Variants in JAG2 observed in about 807,000 individuals in gnomAD.
JAG2 encodes the protein protein jagged-2.
In JAG2, 46 loss-of-function variants were observed where a neutral mutation model predicts 141.7. That is an observed-to-expected ratio of 0.32 (90% CI 0.26 to 0.42). JAG2 has a LOEUF of 0.42. JAG2 is among the 10% of genes least tolerant of loss of function. The probability of loss-of-function intolerance (pLI) is 1.00; values close to 1 mark genes in which losing one functional copy is unlikely to be tolerated. For missense variants in JAG2, 1,500 were observed against 1,817.5 expected, an observed-to-expected ratio of 0.83 and a Z score of 3.18; for synonymous variants, 862 against 763.5, an observed-to-expected ratio of 1.13 and a Z score of -2.13.
At position 105,146,949 on chromosome 14, in the gene JAG2, T is replaced by G. The variant is rs909503496; in HGVS notation, c.2480-225A>C. ...CCTCCGTCTGCTTCTGCAGTGGGCC[T>G]GTCCCATCCTGGATTAGCCCCAGCT... is the stretch of plus-strand genomic sequence containing the variant. On this transcript the variant is annotated intron_variant, in intron 20 of 25. Coordinates refer to ENST00000331782, the MANE Select transcript of JAG2 (RefSeq NM_002226.5). The G allele has an allele frequency of 4.4e-5, 28 of 639,062 alleles. No homozygotes were observed. In the Admixed American group the frequency reaches 5.1e-4, roughly 12 times the overall value. 39.6% of individuals were successfully genotyped at this position (639,062 alleles called of 1,614,324 possible).
At position 105,143,408 on chromosome 14, in the gene JAG2, G is replaced by C. The variant is rs587698500; in HGVS notation, c.3241+74C>G. The C allele has an allele frequency of 2.9e-5, 44 of 1,500,630 alleles. No individual in the cohort carries two copies. The African/African-American group carries it at 5.4e-4, about 18-fold the overall frequency. The allele number at this position is 1,500,630 out of a possible 1,614,324, so 93.0% of individuals were successfully genotyped here. A position where few individuals can be genotyped will look rare whatever the true frequency, so the allele number is the denominator to read the frequency against. On this transcript the variant is annotated intron_variant, in intron 25 of 25. Coordinates refer to ENST00000331782, the MANE Select transcript of JAG2 (RefSeq NM_002226.5). ...TCCTGGTGGCTGGCAGGATCGGCAG[G>C]ATCGGCCGGCTCTGTGCCCAATGCC...
intron 2 of JAG2, among the ~76,000 whole-genome samples, chr14:105,160,807 G>A (rs1042994554): frequency 2.7e-5 from 4 of 150,886 alleles, no homozygotes; most frequent in Non-Finnish European, 4.4e-5. Context: ...AGGTTGCAGC[G>A]AGCCGAGATC....
chr14:105,153,677 C>T (rs1888502996), intron 5 of JAG2, among the ~76,000 whole-genome samples: 1 of 152,208 alleles, frequency 6.6e-6, no homozygotes, highest in African/African-American at 2.4e-5. Context: ...GCCTCCCCGA[C>T]AGGGCCAGCA....
intron 2 of JAG2, among the ~76,000 whole-genome samples, chr14:105,165,632 C>T (rs2140996995): frequency 6.6e-6 from 1 of 152,314 alleles, no homozygotes; most frequent in Non-Finnish European, 1.5e-5. Context: ...GGCCACCCAG[C>T]CAGGCCTGGG....
Position 105,167,693 on chromosome 14 carries a change from C to A in JAG2, c.417+64G>T, listed in dbSNP as rs1461682083. 1.5e-6 allele frequency: 2 copies of A among 1,329,842 alleles called. No individual in the cohort carries two copies. Among genetic ancestry groups the A allele is most frequent in the East Asian group, 3.3e-5 (1 of 29,900 alleles). The allele number at this position is 1,329,842 out of a possible 1,614,324, so 82.4% of individuals were successfully genotyped here. The stretch of plus-strand genomic sequence containing the variant: ...GCCGCAGGTGTTGGGGGTCGCGAAG[C>A]GCGCGGGGCCGGGGCGCGGAGAGAG... On this transcript the variant is annotated intron_variant, in intron 2 of 25. Coordinates refer to ENST00000331782, the MANE Select transcript of JAG2 (RefSeq NM_002226.5). The surrounding 1 kb of genome is among the most constrained non-coding windows in gnomAD (Gnocchi z 4.8).
rs943640252 is a variant in JAG2 at position 105,154,487 on chromosome 14, A to G, written c.788+1075T>C. 6.6e-6 allele frequency among the ~76,000 whole-genome samples: 1 copy of G among 152,096 alleles called. No individual in the cohort carries two copies. Among genetic ancestry groups the G allele is most frequent in the Non-Finnish European group, 1.5e-5 (1 of 67,980 alleles). ...GACTTCTCTGCTCCACTCTAGGGCAAAGCTGCCAGCCCCCCTGGCTGGATC... is the reference window on the plus strand; with the variant it reads ...GACTTCTCTGCTCCACTCTAGGGCAGAGCTGCCAGCCCCCCTGGCTGGATC... On this transcript the variant is annotated intron_variant, in intron 5 of 25. Transcript: ENST00000331782. This position sits in a 1 kb window ranked among gnomAD's most constrained non-coding sequence, Gnocchi z 4.4.
At chr14:105,161,375 G>A (rs1236216685) in intron 2 of JAG2, among the ~76,000 whole-genome samples, 1 of 152,146 alleles carries the variant, frequency 6.6e-6, no homozygotes, top group Non-Finnish European at 1.5e-5. Flanking sequence ...GGGGCAGGCA[G>A]AGAAAAGCCA....
chr14:105,157,851 G>T, intron 2 of JAG2, 88 bp from the exon 3 acceptor site: 2 of 1,225,150 alleles, frequency 1.6e-6, no homozygotes, highest in Non-Finnish European at 2.3e-6. Flanking sequence ...CTCAGACGCT[G>T]CCCCTGGGTC....
intron 2 of JAG2, among the ~76,000 whole-genome samples, chr14:105,165,704 T>C (rs1386954516): frequency 6.6e-6 from 1 of 152,056 alleles, no homozygotes; most frequent in Non-Finnish European, 1.5e-5. Context: ...AGGGAGCGAA[T>C]GCAGAGCCCA....
At chr14:105,155,180 G>A (rs587766844) in intron 5 of JAG2, among the ~76,000 whole-genome samples, 6 of 151,456 alleles carry the variant, frequency 4.0e-5, no homozygotes, top group East Asian at 3.9e-4. Context: ...CTGCTCTGCC[G>A]CCCCTCGCCT....
chr14:105,155,863 TTCTCGTCGCAGCGCACGCGGA>T lies in JAG2; in HGVS notation c.581_601del (p.Ile194_Glu200del). ...CTTGTTGCAAGTGGCGCTGTAGTAG[TTCTCGTCGCAGCGCACGCGGA>T]TCTGCAGCTCCAGGTGCGCCACGTG... is the stretch of plus-strand genomic sequence containing the variant. On this transcript the variant is annotated inframe_deletion, in exon 4 of 26. Transcript: ENST00000331782. 6.2e-7 allele frequency: 1 copy of T among 1,612,444 alleles called. No individual in the cohort carries two copies. The highest frequency in any genetic ancestry group is 8.5e-7 in the Non-Finnish European group (1 of 1,179,780).
At chr14:105,143,446 C>T (rs371939429) in intron 25 of JAG2, 36 bp downstream of exon 25, 17 of 1,539,152 alleles carry the variant, frequency 1.1e-5, no homozygotes, top group Non-Finnish European at 1.4e-5. Flanking sequence ...AGTTGCCTGC[C>T]TGGTGCCTTC....
chr14:105,146,412 G>A lies in JAG2; in HGVS notation c.2682C>T (p.Cys894=). ...TGCTGCAGTCACGGCGGCCATCCAG[G>A]CAGCGGCAGCTGTTGCAGTCTTCCA... is the stretch of plus-strand genomic sequence containing the variant. ...SWVEDCNSCR[C]LDGRRDCSKV... is the part of the protein sequence containing the mutation. The change falls in exon 22 of 26, where the codon TGC becomes TGT. Residue 894 remains cysteine (C), a synonymous_variant. Coordinates refer to ENST00000331782, the MANE Select transcript of JAG2 (RefSeq NM_002226.5). The A allele has an allele frequency of 6.2e-7, 1 of 1,612,682 alleles. No individual in the cohort carries two copies. Among genetic ancestry groups the A allele is most frequent in the Non-Finnish European group, 8.5e-7 (1 of 1,179,860 alleles).
intron 5 of JAG2, among the ~76,000 whole-genome samples, chr14:105,153,344 G>A (rs587640869): frequency 3.9e-5 from 6 of 152,226 alleles, no homozygotes; most frequent in African/African-American, 4.8e-5. Context: ...ACAGTGGTCC[G>A]CGTGGGTGGC....
At chr14:105,168,158 G>C (rs773329200) in intron 1 of JAG2, 51 bp from the exon 2 acceptor site, 5 of 1,414,950 alleles carry the variant, frequency 3.5e-6, no homozygotes, top group Middle Eastern at 5.1e-4. Context: ...CGGGGTCGGC[G>C]GGCCGGGCGC....
rs774174242 is a variant in JAG2 at position 105,145,033 on chromosome 14, C to T, written c.2981G>A (p.Gly994Glu). 5 of 1,609,876 alleles carry T rather than the reference C, an allele frequency of 3.1e-6. No homozygotes were observed. The Admixed American group carries it at 8.3e-5, about 27-fold the overall frequency. ...CCTTGTGGCTGGCAGGGAGCGGATCCCGGAGCAAATGGCGCCCACCGTGGT... is the reference window on the plus strand; with the variant it reads ...CCTTGTGGCTGGCAGGGAGCGGATCTCGGAGCAAATGGCGCCCACCGTGGT... ...QGTTVGAICS[G>E]IRSLPATRAV... The change falls in exon 24 of 26, where the codon GGG becomes GAG. Residue 994 changes from glycine to glutamate, a missense_variant. By Grantham distance (98) the Gly-to-Glu change is moderately conservative (BLOSUM62 -2). Around this residue, in one of 3 missense-constraint regions of JAG2, gnomAD observed 425 missense variants for 441.0 expected, o/e 0.96. Transcript: ENST00000331782.
rs767349126 is a variant in JAG2 at position 105,149,330 on chromosome 14, G to C, written c.1603-10C>G. 1.7e-5 allele frequency: 28 copies of C among 1,611,910 alleles called. No individual in the cohort carries two copies. In the Admixed American group the frequency reaches 2.0e-4, roughly 12 times the overall value. On this transcript the variant is annotated splice_polypyrimidine_tract_variant and intron_variant, in intron 12 of 25. Coordinates refer to ENST00000331782, the MANE Select transcript of JAG2 (RefSeq NM_002226.5). ...AAAGGTCGACATCCACCTGCAGGGT[G>C]GGGGGTGCCTGTGAGAGCCTAGGCC...
In JAG2 at chr14:105,150,872, G is replaced by A. The variant is rs1051683761; in HGVS notation, c.1421C>T (p.Thr474Ile). Residue 474 changes from threonine to isoleucine, a missense_variant, in exon 11 of 26, where the codon ACC becomes ATC. Physicochemically the swap from Thr to Ile is moderately conservative, Grantham distance 89 (BLOSUM62 -1). Around this residue, in one of 3 missense-constraint regions of JAG2, gnomAD observed 875 missense variants for 1,202.2 expected, o/e 0.73. Coordinates refer to ENST00000331782, the MANE Select transcript of JAG2 (RefSeq NM_002226.5). ...DCRGQCQHGG[T>I]CKDLVNGYQC... Reference sequence around the variant, plus strand: ...CTCCTGGCCCCGCCTCACCTTGCAGGTGCCCCCATGCTGACACTGCCCGCG... The same window carrying A: ...CTCCTGGCCCCGCCTCACCTTGCAGATGCCCCCATGCTGACACTGCCCGCG... 1 of 1,587,510 alleles carries A rather than the reference G, an allele frequency of 6.3e-7. No homozygotes were observed. The highest frequency in any genetic ancestry group is 8.6e-7 in the Non-Finnish European group (1 of 1,167,638).
rs1284862036 is a variant in JAG2, at chr14:105,168,066, C to G, written c.108G>C (p.Ala36=). 6.3e-7 allele frequency: 1 copy of G among 1,589,522 alleles called. No individual in the cohort carries two copies. The highest frequency in any genetic ancestry group is 1.1e-5 in the South Asian group (1 of 90,080). The change falls in exon 2 of 26, where the codon GCG becomes GCC. Residue 36 remains alanine, a synonymous_variant. Transcript: ENST00000331782. Reference sequence around the variant, plus strand: ...GCAGCTCCCCGTTCACGTTCCGCAGCGCGCTCAGCTGCAGCTCGAAATAGC... The same window carrying G: ...GCAGCTCCCCGTTCACGTTCCGCAGGGCGCTCAGCTGCAGCTCGAAATAGC... The part of the protein sequence containing the change: ...PMGYFELQLS[A]LRNVNGELLS...
Sources: allele counts gnomAD v4.1 joint callset (sites outside exome capture counted in the v4.1 genomes callset), GRCh38; gene constraint gnomAD v4.1.1; regional missense constraint gnomAD v4.1.1; non-coding constraint Gnocchi (gnomAD v3.1); transcripts MANE v1.5; gene names NCBI Gene and HGNC (gene_info 2026-07-23, HGNC 2026-07-21).